CPAP: variants seen among roughly 807,000 people sequenced by gnomAD.
CPAP encodes the protein centrosome assembly and centriole elongation protein, also known as centrosomal P4.1-associated protein.
chr13:24,912,970 T>C, the CPAP span: 2 of 1,614,198 alleles, frequency 1.2e-6, no homozygotes, highest in Non-Finnish European at 1.7e-6. Context: ...GGTCATCCAC[T>C]GGGTTAGGAA....
At chr13:24,886,229 C>A in the CPAP span, 1 of 1,009,474 alleles carries the variant, frequency 9.9e-7, no homozygotes, top group Non-Finnish European at 1.4e-6. Context: ...ATTGTAAACA[C>A]TCAACTTGGA....
chr13:24,885,505 ACT>A, the CPAP span: 118 of 1,182,280 alleles, frequency 1.0e-4, no homozygotes, highest in Admixed American at 6.8e-4. Flanking sequence ...TTAAGTAAAA[ACT>A]CTTTTTTACA....
the CPAP span, among the ~76,000 whole-genome samples, chr13:24,921,133 A>T: frequency 6.6e-6 from 1 of 152,286 alleles, no homozygotes; most frequent in South Asian, 2.1e-4. Flanking sequence ...CCAAGAATGG[A>T]ATTCTCTATA....
the CPAP span, chr13:24,889,422 T>C: frequency 6.6e-7 from 1 of 1,504,870 alleles, no homozygotes; most frequent in African/African-American, 1.4e-5. Flanking sequence ...GAGATAATTT[T>C]TTATTTAAAA....
At chr13:24,911,703 A>AT in the CPAP span, among the ~76,000 whole-genome samples, 30,088 of 135,070 alleles carry the variant, frequency 0.22, 3,115 homozygotes, top group Middle Eastern at 0.26. Context: ...CACCCAGCTC[A>AT]TTTTTTTTTT....
At chr13:24,898,046 A>G in the CPAP span, among the ~76,000 whole-genome samples, 6,702 of 152,122 alleles carry the variant, frequency 0.044, 466 homozygotes, top group African/African-American at 0.15. Context: ...CAGGCACACC[A>G]CGACACCCGG....
At chr13:24,892,077 C>A in the CPAP span, among the ~76,000 whole-genome samples, 1 of 152,218 alleles carries the variant, frequency 6.6e-6, no homozygotes, top group Non-Finnish European at 1.5e-5. Flanking sequence ...CTTTCTTCCA[C>A]CACTGGAATG....
At chr13:24,931,330 A>G in the CPAP span, among the ~76,000 whole-genome samples, 4 of 43,182 alleles carry the variant, frequency 9.3e-5, no homozygotes, top group Non-Finnish European at 1.7e-4. Context: ...TGCATGCCTC[A>G]TAATTTTTTG....
At chr13:24,927,338 G>A in the CPAP span, among the ~76,000 whole-genome samples, 1 of 152,136 alleles carries the variant, frequency 6.6e-6, no homozygotes, top group Non-Finnish European at 1.5e-5. Flanking sequence ...ACAAACCCAT[G>A]AATTAATTGA....
the CPAP span, chr13:24,923,010 T>A: frequency 6.6e-6 from 1 of 152,300 alleles, no homozygotes; most frequent in African/African-American, 2.4e-5. Flanking sequence ...GCGCGCCGCC[T>A]TCCGACCAGC....
chr13:24,919,976 T>C, the CPAP span, among the ~76,000 whole-genome samples: 1 of 152,012 alleles, frequency 6.6e-6, no homozygotes, highest in Non-Finnish European at 1.5e-5. Context: ...GTCCCTATGT[T>C]GCCCAGGCTG....
the CPAP span, among the ~76,000 whole-genome samples, chr13:24,914,408 C>G: frequency 6.6e-6 from 1 of 152,164 alleles, no homozygotes. Context: ...GGCTTCACTT[C>G]TTACACAGTA....
chr13:24,893,158 G>C, the CPAP span, among the ~76,000 whole-genome samples: 1 of 152,166 alleles, frequency 6.6e-6, no homozygotes, highest in African/African-American at 2.4e-5. Context: ...GACCTCACCT[G>C]AGCTATTAAC....
chr13:24,922,134 A>T, the CPAP span, among the ~76,000 whole-genome samples: 3 of 152,230 alleles, frequency 2.0e-5, no homozygotes, highest in Non-Finnish European at 2.9e-5. Flanking sequence ...TAAAACTTTT[A>T]AAAAATGTAA....
At chr13:24,895,107 G>A in the CPAP span, among the ~76,000 whole-genome samples, 2 of 152,366 alleles carry the variant, frequency 1.3e-5, no homozygotes, top group South Asian at 2.1e-4. Flanking sequence ...GAGAGCCAGC[G>A]CCGTGAAAAC....
chr13:24,926,755 G>A, the CPAP span, among the ~76,000 whole-genome samples: 2 of 152,082 alleles, frequency 1.3e-5, no homozygotes, highest in African/African-American at 4.8e-5. Flanking sequence ...CTCTTGGCCT[G>A]CCCTGTGATG....
the CPAP span, among the ~76,000 whole-genome samples, chr13:24,915,456 G>C: frequency 6.6e-6 from 1 of 152,178 alleles, no homozygotes. Flanking sequence ...CATAAAGATG[G>C]TATTTAAAGC....
chr13:24,906,288 CT>C, the CPAP span: 12 of 1,601,098 alleles, frequency 7.5e-6, no homozygotes, highest in African/African-American at 1.6e-4. Flanking sequence ...TCATCAGCAG[CT>C]TGTTCTAAAA....
chr13:24,891,983 C>T, the CPAP span, among the ~76,000 whole-genome samples: 7 of 152,198 alleles, frequency 4.6e-5, no homozygotes, highest in Non-Finnish European at 8.8e-5. Flanking sequence ...ACCCAGACGG[C>T]GACGCCACTC....
Sources: gnomAD v4.1 joint callset for allele counts (sites outside exome capture counted in the v4.1 genomes callset) on GRCh38, gnomAD v4.1.1 for gene constraint, MANE v1.5 for transcripts, NCBI Gene and HGNC (gene_info 2026-07-23, HGNC 2026-07-21) for gene names.